Variants in HDAC4 observed in about 807,000 individuals in gnomAD.
HDAC4 encodes the protein histone deacetylase A.
A neutral mutation model predicts 135.1 loss-of-function variants in HDAC4; 16 were observed. That is an observed-to-expected ratio of 0.12 (90% CI 0.08 to 0.18). The LOEUF (loss-of-function observed/expected upper bound fraction) is 0.18. HDAC4 is among the 10% of genes least tolerant of loss of function. The pLI, the probability that HDAC4 is intolerant of heterozygous loss-of-function variation, is 1.00. For synonymous variants in HDAC4, 685 were observed against 653.4 expected (o/e 1.05, Z -0.74); for missense variants, 1,143 against 1,511.8 (o/e 0.76, Z 4.05).
chr2:239,072,851 C>G (rs537425907), intron 22 of HDAC4, among the ~76,000 whole-genome samples: 1 of 152,340 alleles, frequency 6.6e-6, no homozygotes, highest in African/African-American at 2.4e-5. Context: ...CCTCTGATTT[C>G]TGGTGGTGGA....
intron 2 of HDAC4, among the ~76,000 whole-genome samples, chr2:239,347,661 C>G (rs1278252777): frequency 6.6e-6 from 1 of 152,080 alleles, no homozygotes; most frequent in Non-Finnish European, 1.5e-5. Flanking sequence ...ACTACAGGCG[C>G]GTGCCACCAC....
intron 1 of HDAC4, among the ~76,000 whole-genome samples, chr2:239,392,782 G>A (rs183144002): frequency 7.4e-4 from 113 of 152,334 alleles, no homozygotes; most frequent in African/African-American, 2.5e-3. Flanking sequence ...CCTTGGCCAC[G>A]CTCTGCTGAC....
In HDAC4 at chr2:239,202,032, C is replaced by G. The variant is rs371489596; in HGVS notation, c.95-11955G>C. Among the ~76,000 whole-genome samples, 64 of 152,326 alleles carry G rather than the reference C, an allele frequency of 4.2e-4. 2 individuals carry two copies. Among genetic ancestry groups the G allele is most frequent in the East Asian group, 1.7e-3 (9 of 5,174 alleles). On this transcript the variant is annotated intron_variant, in intron 3 of 26. Transcript: ENST00000543185. ...AGGATCTTTCCCCAGCCTCCACCCCCCTGCAGGCATCTCCAGCATCCCAGG... is the reference window on the plus strand; with the variant it reads ...AGGATCTTTCCCCAGCCTCCACCCCGCTGCAGGCATCTCCAGCATCCCAGG...
At chr2:239,134,727 C>T in intron 9 of HDAC4, 84 bp from the exon 10 acceptor site, 1 of 960,042 alleles carries the variant, frequency 1.0e-6, no homozygotes. Context: ...ACGATGAAAA[C>T]ACCTGCACTG....
At position 239,245,920 on chromosome 2, in the gene HDAC4, G is replaced by A. The variant is rs1278746569; in HGVS notation, c.23-9256C>T. Reference sequence around the variant, plus strand: ...CGTCTGGTTCACAGCTCAGCGAGCAGGCCCTGAGCGTCTGGGAACGTGAGA... The same window carrying A: ...CGTCTGGTTCACAGCTCAGCGAGCAAGCCCTGAGCGTCTGGGAACGTGAGA... On this transcript the variant is annotated intron_variant, in intron 2 of 26. Transcript: ENST00000543185. The surrounding 1 kb of genome is among the most constrained non-coding windows in gnomAD (Gnocchi z 4.4). Among the ~76,000 whole-genome samples, 1 of 152,174 alleles carries A rather than the reference G, an allele frequency of 6.6e-6. No individual in the cohort carries two copies. The highest frequency in any genetic ancestry group is 2.4e-5 in the African/African-American group (1 of 41,440).
At chr2:239,162,967 A>G (rs1473600085) in intron 6 of HDAC4, among the ~76,000 whole-genome samples, 1 of 152,146 alleles carries the variant, frequency 6.6e-6, no homozygotes, top group African/African-American at 2.4e-5. Flanking sequence ...ATTTTTTTCT[A>G]GAAATGAAAT....
chr2:239,266,971 G>A (rs2049772177), intron 2 of HDAC4, among the ~76,000 whole-genome samples: 1 of 152,138 alleles, frequency 6.6e-6, no homozygotes, highest in Non-Finnish European at 1.5e-5. Flanking sequence ...AGGGCTACTG[G>A]TAATCTCTCA....
At chr2:239,258,674 C>A (rs1184088683) in intron 2 of HDAC4, among the ~76,000 whole-genome samples, 1 of 152,092 alleles carries the variant, frequency 6.6e-6, no homozygotes, top group Admixed American at 6.6e-5. Context: ...AATGAACACC[C>A]ATATAAAGAA....
At chr2:239,358,800 TACAC>T (rs1693679946) in intron 1 of HDAC4, among the ~76,000 whole-genome samples, 1 of 152,210 alleles carries the variant, frequency 6.6e-6, no homozygotes, top group Non-Finnish European at 1.5e-5. Context: ...TTAATTCCGG[TACAC>T]ACACAAAGTC....
At chr2:239,268,155 T>G (rs1207987573) in intron 2 of HDAC4, among the ~76,000 whole-genome samples, 2 of 152,272 alleles carry the variant, frequency 1.3e-5, no homozygotes, top group Non-Finnish European at 2.9e-5. Flanking sequence ...CTGCTGAGCT[T>G]TCTCCTTAGG....
In HDAC4 at chr2:239,163,918, C is replaced by T. The variant is rs754022842; in HGVS notation, c.496G>A (p.Val166Met). 11 of 1,613,924 alleles carry T rather than the reference C, an allele frequency of 6.8e-6. No homozygotes were observed. The highest frequency in any genetic ancestry group is 3.3e-5 in the South Asian group (3 of 91,078). Residue 166 changes from valine to methionine, a missense_variant, in exon 6 of 27, where the codon GTG becomes ATG. Physicochemically the swap from Val to Met is conservative, Grantham distance 21. This residue lies in a region of HDAC4 where 247 missense variants were observed against 310.0 expected (regional missense o/e 0.80). Coordinates refer to ENST00000543185, the MANE Select transcript of HDAC4 (RefSeq NM_001378414.1). Reference sequence around the variant, plus strand: ...TTCATCTTCACTTCTGTGCTGGCCACGGCACCTGGCGTGGGAGAAAGCATA... The same window carrying T: ...TTCATCTTCACTTCTGTGCTGGCCATGGCACCTGGCGTGGGAGAAAGCATA... ...KNKEKGKESA[V>M]ASTEVKMKLQ...
chr2:239,188,697 A>G (rs926641186), intron 4 of HDAC4, among the ~76,000 whole-genome samples: 3 of 152,242 alleles, frequency 2.0e-5, no homozygotes, highest in Non-Finnish European at 2.9e-5. Context: ...ATGAACAACA[A>G]CAGCAGCAGT....
intron 2 of HDAC4, among the ~76,000 whole-genome samples, chr2:239,346,791 TCA>T (rs752406142): frequency 2.8e-4 from 20 of 71,042 alleles, no homozygotes; most frequent in Admixed American, 6.9e-4. Context: ...ATACACCGTC[TCA>T]CACACACACA....
At chr2:239,371,024 T>C (rs538775893) in intron 1 of HDAC4, among the ~76,000 whole-genome samples, 1 of 152,272 alleles carries the variant, frequency 6.6e-6, no homozygotes, top group East Asian at 1.9e-4. Flanking sequence ...CCACAGCCTG[T>C]CGCCCCCAGA....
intron 3 of HDAC4, among the ~76,000 whole-genome samples, chr2:239,203,589 G>C (rs1366139493): frequency 6.6e-6 from 1 of 152,182 alleles, no homozygotes; most frequent in East Asian, 1.9e-4. Context: ...TGCATGAACT[G>C]AACGTCCACG....
intron 22 of HDAC4, among the ~76,000 whole-genome samples, chr2:239,075,080 T>C (rs543736333): frequency 2.4e-4 from 37 of 151,574 alleles, no homozygotes; most frequent in Non-Finnish European, 3.8e-4. Flanking sequence ...AAAAGTTAGC[T>C]GGGCGTGGTG....
rs528328039 is a variant in HDAC4 at position 239,229,247 on chromosome 2, A to G, written c.94+7346T>C. 2.0e-5 allele frequency among the ~76,000 whole-genome samples: 3 copies of G among 152,370 alleles called. No individual in the cohort carries two copies. In the South Asian group the frequency reaches 6.2e-4, roughly 32 times the overall value. The stretch of plus-strand genomic sequence containing the variant: ...CTCTTAAAGCATTTCTAAATTGCTC[A>G]TAATTGTACACGACACACACATGGC... On this transcript the variant is annotated intron_variant, in intron 3 of 26. Coordinates refer to ENST00000543185, the MANE Select transcript of HDAC4 (RefSeq NM_001378414.1).
intron 2 of HDAC4, among the ~76,000 whole-genome samples, chr2:239,298,961 C>T (rs571858369): frequency 2.4e-4 from 36 of 150,964 alleles, no homozygotes; most frequent in African/African-American, 6.8e-4. Context: ...CTCCGCCTCC[C>T]GGGTTCATGC....
Position 239,053,054 on chromosome 2 carries a change from G to T in HDAC4, c.*43C>A, listed in dbSNP as rs1426078814. 1 of 1,611,534 alleles carries T rather than the reference G, an allele frequency of 6.2e-7. No homozygotes were observed. The highest frequency in any genetic ancestry group is 8.5e-7 in the Non-Finnish European group (1 of 1,177,568). On this transcript the variant is annotated 3_prime_UTR_variant, in exon 27 of 27. Transcript: ENST00000543185. ...GGAAAGTTTCTTGGCTGAGCTTCAAGACAGAGACAGACAGACAAGAGAACA... is the reference window on the plus strand; with the variant it reads ...GGAAAGTTTCTTGGCTGAGCTTCAATACAGAGACAGACAGACAAGAGAACA...
Sources: allele counts gnomAD v4.1 joint callset (sites outside exome capture counted in the v4.1 genomes callset), GRCh38; gene constraint gnomAD v4.1.1; regional missense constraint gnomAD v4.1.1; non-coding constraint Gnocchi (gnomAD v3.1); transcripts MANE v1.5; gene names NCBI Gene and HGNC (gene_info 2026-07-23, HGNC 2026-07-21).